Variants in ADGRV1 observed in about 807,000 individuals in gnomAD.
ADGRV1 encodes the protein adhesion G protein-coupled receptor V1.
Under a neutral mutation model 596.2 loss-of-function variants are expected in ADGRV1, and 359 were observed. That is an observed-to-expected ratio of 0.60 (90% CI 0.55 to 0.66). ADGRV1 has a LOEUF of 0.66. ADGRV1 is among the 30% of genes least tolerant of loss of function. ADGRV1 has a pLI of 0.00. For missense variants in ADGRV1, 7,274 were observed against 7,575.6 expected (o/e 0.96, Z 1.48); for synonymous variants, 2,681 against 2,679.2 (o/e 1.00, Z -0.02).
intron 84 of ADGRV1, among the ~76,000 whole-genome samples, chr5:90,976,286 A>ATG (rs201360915): frequency 0.25 from 33,266 of 130,774 alleles, 4,559 homozygotes; most frequent in Non-Finnish European, 0.32. Flanking sequence ...GTGTATCTGT[A>ATG]TGTGTGTGTA....
intron 83 of ADGRV1, among the ~76,000 whole-genome samples, chr5:90,947,529 TTGATG>T (rs1776689944): frequency 6.6e-6 from 1 of 152,120 alleles, no homozygotes; most frequent in Admixed American, 6.6e-5. Context: ...ATTTTAAATG[TTGATG>T]TGATTCTCAG....
At chr5:90,596,889 A>G (rs1760749337) in intron 1 of ADGRV1, among the ~76,000 whole-genome samples, 1 of 152,192 alleles carries the variant, frequency 6.6e-6, no homozygotes, top group Non-Finnish European at 1.5e-5. Context: ...AGTTCTTTAT[A>G]GCAATATGAG....
intron 79 of ADGRV1, among the ~76,000 whole-genome samples, chr5:90,849,926 C>T (rs1422092712): frequency 6.6e-6 from 1 of 152,150 alleles, no homozygotes; most frequent in Non-Finnish European, 1.5e-5. Flanking sequence ...AAAAGTTGTA[C>T]ATATTGTTTT....
intron 20 of ADGRV1, among the ~76,000 whole-genome samples, chr5:90,657,258 C>CA (rs1035986500): frequency 4.7e-5 from 7 of 149,640 alleles, no homozygotes; most frequent in Non-Finnish European, 7.4e-5. Context: ...CCTGTCTCTA[C>CA]AAAAAAAACA....
intron 31 of ADGRV1, among the ~76,000 whole-genome samples, chr5:90,692,375 G>T (rs926814133): frequency 6.6e-6 from 1 of 152,038 alleles, no homozygotes; most frequent in Non-Finnish European, 1.5e-5. Flanking sequence ...AGTTTAAACA[G>T]CCTGTATGTC....
intron 54 of ADGRV1, among the ~76,000 whole-genome samples, 183 bp downstream of exon 54, chr5:90,754,012 A>T (rs895963908): frequency 6.6e-6 from 1 of 152,116 alleles, no homozygotes; most frequent in African/African-American, 2.4e-5. Flanking sequence ...CCTAGCAGTA[A>T]TGTTATAGGA....
chr5:90,883,507 T>G (rs1769990584), intron 83 of ADGRV1, among the ~76,000 whole-genome samples: 1 of 152,146 alleles, frequency 6.6e-6, no homozygotes. Flanking sequence ...TGCAAACTGG[T>G]CATTCCTGTG....
chr5:90,991,129 C>T (rs1780926485), intron 85 of ADGRV1, among the ~76,000 whole-genome samples: 1 of 152,052 alleles, frequency 6.6e-6, no homozygotes, highest in Non-Finnish European at 1.5e-5. Context: ...GGTGAGAGGA[C>T]AATGAAGACA....
chr5:91,015,698 G>T (rs114696257), intron 85 of ADGRV1, among the ~76,000 whole-genome samples: 2,518 of 151,986 alleles, frequency 0.017, 82 homozygotes, highest in African/African-American at 0.057. Context: ...AATTAGAATC[G>T]CAACTTCTGC....
intron 1 of ADGRV1, among the ~76,000 whole-genome samples, chr5:90,589,073 GC>G (rs2151990998): frequency 6.6e-6 from 1 of 152,098 alleles, no homozygotes; most frequent in East Asian, 1.9e-4. Flanking sequence ...TTTTTTAAAG[GC>G]AATTGATTAG....
At chr5:90,860,184 C>A (rs905092422) in intron 82 of ADGRV1, among the ~76,000 whole-genome samples, 1 of 152,094 alleles carries the variant, frequency 6.6e-6, no homozygotes, top group Non-Finnish European at 1.5e-5. Context: ...GTTCAACCAC[C>A]CTGTTTATCT....
intron 57 of ADGRV1, among the ~76,000 whole-genome samples, chr5:90,758,814 A>C (rs114428454): frequency 0.011 from 1,697 of 152,310 alleles, 37 homozygotes; most frequent in African/African-American, 0.038. Flanking sequence ...TTTAACATAG[A>C]CTCAGAAAAT....
At chr5:90,750,395 A>G (rs1189815991) in intron 52 of ADGRV1, among the ~76,000 whole-genome samples, 156 bp from the exon 53 acceptor site, 1 of 152,196 alleles carries the variant, frequency 6.6e-6, no homozygotes, top group African/African-American at 2.4e-5. Flanking sequence ...AATCATGGTC[A>G]TTCTATATGA....
intron 87 of ADGRV1, among the ~76,000 whole-genome samples, chr5:91,127,746 T>A (rs1474460126): frequency 6.6e-6 from 1 of 152,132 alleles, no homozygotes; most frequent in Non-Finnish European, 1.5e-5. Context: ...CACCAGTACT[T>A]GCCCTGAACC....
At position 90,805,329 on chromosome 5, in the gene ADGRV1, G is replaced by A. The variant is rs1270886371; in HGVS notation, c.14707G>A (p.Gly4903Ser). The A allele has an allele frequency of 1.9e-6, 3 of 1,612,924 alleles. No homozygotes were observed. The highest frequency in any genetic ancestry group is 4.5e-5 in the East Asian group (2 of 44,874). Residue 4903 changes from glycine to serine, a missense_variant, in exon 72 of 90, where the codon GGC becomes AGC. By Grantham distance (56) the Gly-to-Ser change is moderately conservative. Coordinates refer to ENST00000405460, the MANE Select transcript of ADGRV1 (RefSeq NM_032119.4). Reference protein sequence around the residue: ...TAFQLMNITAGTSHVMISRRG... With the variant: ...TAFQLMNITASTSHVMISRRG... ...TTTTCAACTCATGAACATCACTGCTGGCACAAGCCACGTTATGATTTCTAG... is the reference window on the plus strand; with the variant it reads ...TTTTCAACTCATGAACATCACTGCTAGCACAAGCCACGTTATGATTTCTAG...
intron 84 of ADGRV1, among the ~76,000 whole-genome samples, chr5:90,981,881 C>A (rs986265500): frequency 7.9e-5 from 12 of 152,168 alleles, no homozygotes; most frequent in Admixed American, 3.9e-4. Flanking sequence ...GTGCTCCTGA[C>A]AATTTTCACT....
At chr5:90,729,100 T>C (rs1443957751) in intron 49 of ADGRV1, among the ~76,000 whole-genome samples, 167 bp downstream of exon 49, 4 of 152,196 alleles carry the variant, frequency 2.6e-5, no homozygotes, top group Non-Finnish European at 4.4e-5. Context: ...TTTTGAGAAA[T>C]ATTTAAGCAT....
rs183851734 is a variant in ADGRV1, at chr5:90,823,513, G to A, written c.16285G>A (p.Glu5429Lys). 1.3e-4 allele frequency: 215 copies of A among 1,613,846 alleles called. 1 individual carries two copies. In the African/African-American group the frequency reaches 2.5e-3, roughly 19 times the overall value. The stretch of plus-strand genomic sequence containing the variant: ...GAAGGATGGGGTAAACCTGGTGGAG[G>A]AACTTCAGTCTGTGTCAGGGACCAC... ...LQKDGVNLVE[E>K]LQSVSGTTTC... The change falls in exon 76 of 90, where the codon GAA becomes AAA. Residue 5429 changes from glutamate (E) to lysine (K), a missense_variant. Around this residue, in one of 5 missense-constraint regions of ADGRV1, gnomAD observed 1,874 missense variants for 1,970.2 expected, o/e 0.95. Transcript: ENST00000405460.
intron 17 of ADGRV1, among the ~76,000 whole-genome samples, chr5:90,651,206 T>C (rs1489734775): frequency 6.6e-6 from 1 of 152,188 alleles, no homozygotes; most frequent in Non-Finnish European, 1.5e-5. Context: ...ATTATTTGTA[T>C]GAAATAAAAG....
Sources: allele counts gnomAD v4.1 joint callset (sites outside exome capture counted in the v4.1 genomes callset), GRCh38; gene constraint gnomAD v4.1.1; regional missense constraint gnomAD v4.1.1; transcripts MANE v1.5; gene names NCBI Gene and HGNC (gene_info 2026-07-23, HGNC 2026-07-21).